MYCBP2: variants seen among roughly 807,000 people sequenced by gnomAD.
MYCBP2 encodes MYC binding protein 2.
Under a neutral mutation model 525.3 loss-of-function variants are expected in MYCBP2, and 120 were observed. The observed-to-expected ratio is 0.23, with a 90% CI of 0.20 to 0.27. The LOEUF (loss-of-function observed/expected upper bound fraction) is 0.27, where lower values mean the gene tolerates loss of function less well. Ranked by LOEUF, MYCBP2 falls within the 10% of genes least tolerant of loss-of-function variation. The pLI, the probability that MYCBP2 is intolerant of heterozygous loss-of-function variation, is 1.00. For synonymous variants in MYCBP2, 1,894 were observed against 1,955.8 expected, an observed-to-expected ratio of 0.97 and a Z score of 0.83; for missense variants, 4,149 against 5,657.1, an observed-to-expected ratio of 0.73 and a Z score of 8.55.
intron 68 of MYCBP2, among the ~76,000 whole-genome samples, chr13:77,074,920 G>C (rs891795807): frequency 2.3e-4 from 35 of 152,278 alleles, no homozygotes; most frequent in Admixed American, 1.9e-3. Flanking sequence ...TTTAAAACTT[G>C]GTTGTGGGCT....
intron 1 of MYCBP2, among the ~76,000 whole-genome samples, chr13:77,313,089 A>G: frequency 6.6e-6 from 1 of 152,176 alleles, no homozygotes; most frequent in East Asian, 1.9e-4. Context: ...TAACAATAAT[A>G]TATTAATATG....
intron 55 of MYCBP2, among the ~76,000 whole-genome samples, chr13:77,109,040 A>G (rs1326904168): frequency 6.6e-6 from 1 of 152,228 alleles, no homozygotes; most frequent in Middle Eastern, 3.2e-3. Context: ...AGGAGAAAGC[A>G]GGTACCAGCA....
At chr13:77,053,461 A>G (rs1224802304) in intron 80 of MYCBP2, among the ~76,000 whole-genome samples, 1 of 152,190 alleles carries the variant, frequency 6.6e-6, no homozygotes, top group Non-Finnish European at 1.5e-5. Flanking sequence ...AAACAGGTCC[A>G]AAGACAGGAT....
rs751237371 is a variant in MYCBP2 at position 77,177,835 on chromosome 13, T to A, written c.5253A>T (p.Val1751=). 6.2e-6 allele frequency: 10 copies of A among 1,614,102 alleles called. 1 individual carries two copies. The South Asian group carries it at 1.1e-4, about 18-fold the overall frequency. Residue 1751 remains valine (V), a synonymous_variant, in exon 35 of 83, where the codon GTA becomes GTT. Coordinates refer to ENST00000544440, the MANE Select transcript of MYCBP2 (RefSeq NM_015057.5). The stretch of plus-strand genomic sequence containing the variant: ...CAACCACAACTATTCCAGGTTTGTC[T>A]ACTGAAAAACAGATTGCATCAGGGG... The part of the protein sequence containing the change: ...NGSPDAICFS[V]DKPGIVVVGF...
chr13:77,233,645 T>C (rs754049581), intron 17 of MYCBP2, among the ~76,000 whole-genome samples: 1 of 152,108 alleles, frequency 6.6e-6, no homozygotes, highest in Non-Finnish European at 1.5e-5. Context: ...TGAAGACAGA[T>C]ATCTTTTCCA....
chr13:77,312,437 T>C (rs1201255464), intron 1 of MYCBP2, among the ~76,000 whole-genome samples: 1 of 152,050 alleles, frequency 6.6e-6, no homozygotes, highest in Non-Finnish European at 1.5e-5. Context: ...AACTATAACA[T>C]AAAGGTCTCT....
intron 44 of MYCBP2, among the ~76,000 whole-genome samples, chr13:77,161,182 A>G (rs1182707949): frequency 6.6e-6 from 1 of 152,196 alleles, no homozygotes; most frequent in Admixed American, 6.5e-5. Context: ...ACAGATTCTG[A>G]TATTTCCATC....
chr13:77,261,797 C>T (rs2073330959), intron 11 of MYCBP2, among the ~76,000 whole-genome samples: 1 of 151,978 alleles, frequency 6.6e-6, no homozygotes, highest in Admixed American at 6.6e-5. Context: ...TTGCTCAACT[C>T]AGGGTTGTCA....
intron 55 of MYCBP2, among the ~76,000 whole-genome samples, chr13:77,113,566 G>A (rs1278979617): frequency 6.6e-6 from 1 of 152,132 alleles, no homozygotes; most frequent in Non-Finnish European, 1.5e-5. Context: ...AGAGGTGGGG[G>A]AAGAGGGAGA....
At chr13:77,243,481 C>T (rs1403497475) in intron 16 of MYCBP2, among the ~76,000 whole-genome samples, 5 of 151,886 alleles carry the variant, frequency 3.3e-5, no homozygotes, top group African/African-American at 7.3e-5. Flanking sequence ...GGTGTGGTAG[C>T]GGGCACCTGT....
chr13:77,157,870 C>T (rs1389422012), intron 45 of MYCBP2, 67 bp downstream of exon 45: 2 of 1,283,502 alleles, frequency 1.6e-6, no homozygotes, highest in Non-Finnish European at 1.1e-6. Flanking sequence ...TCTAATGACT[C>T]CCCTCTTTCA....
chr13:77,260,292 T>C, intron 13 of MYCBP2, 136 bp downstream of exon 13: 1 of 625,944 alleles, frequency 1.6e-6, no homozygotes, highest in Middle Eastern at 4.3e-4. Context: ...TCTTTCGAAA[T>C]ATTTCACATT....
intron 32 of MYCBP2, among the ~76,000 whole-genome samples, chr13:77,182,711 G>A (rs1203970891): frequency 6.6e-5 from 10 of 152,168 alleles, no homozygotes; most frequent in Non-Finnish European, 1.5e-4. Context: ...CTGCTACATG[G>A]ATGCAAAGTT....
Position 77,218,371 on chromosome 13 carries a change from C to G in MYCBP2, c.2940-414G>C, listed in dbSNP as rs557822959. On this transcript the variant is annotated intron_variant, in intron 20 of 82. Transcript: ENST00000544440. ...GAACTAGATGAAATAATTTTATGATCATCTTTTCTAACTTTTATCACTAAG... is the reference window on the plus strand; with the variant it reads ...GAACTAGATGAAATAATTTTATGATGATCTTTTCTAACTTTTATCACTAAG... 8.5e-5 allele frequency among the ~76,000 whole-genome samples: 13 copies of G among 152,140 alleles called. No homozygotes were observed. The East Asian group carries it at 2.5e-3, about 29-fold the overall frequency.
chr13:77,056,102 GTGTGTGTGTGTGT>G (rs2037938270), intron 79 of MYCBP2, among the ~76,000 whole-genome samples: 31 of 50,992 alleles, frequency 6.1e-4, no homozygotes, highest in African/African-American at 1.5e-3. Flanking sequence ...TGTGTTTGGT[GTGTGTGTGTGTGT>G]GTGTGTGTGT....
rs2072494900 is a variant in MYCBP2, at chr13:77,257,704, G to T, written c.2143C>A (p.Arg715=). The part of the protein sequence containing the change: ...FGVNNKGQCG[R]DTGAMNQGGK... ...CCTTGGTTCATGGCACCAGTATCTC[G>T]TCCACACTGTCCTTTATTATTTACA... The change falls in exon 14 of 83, where the codon CGA becomes AGA. Residue 715 remains arginine (R), a synonymous_variant. Transcript: ENST00000544440. 6.2e-7 allele frequency: 1 copy of T among 1,607,822 alleles called. No homozygotes were observed. The highest frequency in any genetic ancestry group is 8.5e-7 in the Non-Finnish European group (1 of 1,178,058).
At chr13:77,154,173 A>G (rs76473008) in intron 46 of MYCBP2, among the ~76,000 whole-genome samples, 7,831 of 152,232 alleles carry the variant, frequency 0.051, 274 homozygotes, top group Non-Finnish European at 0.079. Context: ...CTAATATAAT[A>G]TGATATTAAT....
Position 77,098,940 on chromosome 13 carries a change from G to A in MYCBP2, c.8214C>T (p.His2738=). 1 of 1,613,310 alleles carries A rather than the reference G, an allele frequency of 6.2e-7. No individual in the cohort carries two copies. The highest frequency in any genetic ancestry group is 8.5e-7 in the Non-Finnish European group (1 of 1,179,724). The change falls in exon 56 of 83, where the codon CAC becomes CAT. Residue 2738 remains histidine, a synonymous_variant. Transcript: ENST00000544440. ...GTCCATCAGGTTTAAGCGATCTGCT[G>A]TGTTTAGAGGACAGCTCTGATTTTC... ...TSGKSELSSK[H]SRSLKPDGRM...
chr13:77,183,541 C>CTTTTTTTTTTTT lies in MYCBP2; in HGVS notation c.4719+1550_4719+1561dup, dbSNP rs60927409. ...TTGTTTATAGTGATAGTCCCTATTT[C>CTTTTTTTTTTTT]TTTTTTTTTTTTTTTTTTTTTTTTT... On this transcript the variant is annotated intron_variant, in intron 32 of 82. Coordinates refer to ENST00000544440, the MANE Select transcript of MYCBP2 (RefSeq NM_015057.5). Among the ~76,000 whole-genome samples, 26 of 66,076 alleles carry CTTTTTTTTTTTT rather than the reference C, an allele frequency of 3.9e-4. 6 individuals are homozygous for CTTTTTTTTTTTT. The highest frequency in any genetic ancestry group is 9.9e-4 in the African/African-American group (14 of 14,112). 43.3% of individuals were successfully genotyped at this position (66,076 alleles called of 152,430 possible).
Sources: allele counts gnomAD v4.1 joint callset (sites outside exome capture counted in the v4.1 genomes callset), GRCh38; gene constraint gnomAD v4.1.1; transcripts MANE v1.5; gene names NCBI Gene and HGNC (gene_info 2026-07-23, HGNC 2026-07-21).